Variants in SLC25A26 observed in about 807,000 individuals in gnomAD.
SLC25A26 encodes solute carrier family 25 member 26, also known as mitochondrial S-adenosylmethionine carrier protein.
In SLC25A26, 36 loss-of-function variants were observed where a neutral mutation model predicts 37.8. The ratio of observed to expected loss-of-function variants is 0.95; its 90% CI spans 0.73 to 1.26. The LOEUF (loss-of-function observed/expected upper bound fraction) is 1.26. SLC25A26 is among the 50% of genes most tolerant of loss of function. The pLI is 0.00. For missense variants in SLC25A26, 390 were observed against 331.1 expected, an observed-to-expected ratio of 1.18 and a Z score of -1.38; for synonymous variants, 129 against 122.5, an observed-to-expected ratio of 1.05 and a Z score of -0.35.
intron 3 of SLC25A26, 95 bp downstream of exon 3, chr3:66,243,407 T>TA: frequency 9.5e-6 from 6 of 631,978 alleles, no homozygotes; most frequent in Non-Finnish European, 1.6e-5. Context: ...AAATTATTTT[T>TA]AAATTATGAA....
intron 6 of SLC25A26, among the ~76,000 whole-genome samples, chr3:66,349,896 C>T (rs1357429738): frequency 1.2e-4 from 18 of 152,082 alleles, no homozygotes; most frequent in Non-Finnish European, 2.9e-5. Context: ...TTTTTTCCAG[C>T]CATTCTAGTA....
chr3:66,282,653 C>T (rs192148292), intron 5 of SLC25A26, among the ~76,000 whole-genome samples: 24 of 152,242 alleles, frequency 1.6e-4, no homozygotes, highest in Admixed American at 3.3e-4. Context: ...TTTCATCTTT[C>T]CCATTTCATA....
Position 66,243,225 on chromosome 3 carries a change from T to C in SLC25A26, c.213T>C (p.Tyr71=). ...CAGCTGCTGCATTTTTTATCACCTA[T>C]GAATATGTGAAGTGGTTTTTGCATG... is the stretch of plus-strand genomic sequence containing the variant. ...FPNAAAFFIT[Y]EYVKWFLHAD... The change falls in exon 3 of 10, where the codon TAT becomes TAC. Residue 71 remains tyrosine, a synonymous_variant. Coordinates refer to ENST00000354883, the MANE Select transcript of SLC25A26 (RefSeq NM_001379210.1). 6.2e-7 allele frequency: 1 copy of C among 1,605,146 alleles called. No homozygotes were observed. The highest frequency in any genetic ancestry group is 8.5e-7 in the Non-Finnish European group (1 of 1,174,032).
chr3:66,367,729 G>GAGAC (rs1379068645), intron 7 of SLC25A26, among the ~76,000 whole-genome samples: 28 of 151,098 alleles, frequency 1.9e-4, no homozygotes, highest in African/African-American at 6.9e-4. Flanking sequence ...GAGAGAGAGA[G>GAGAC]AGACAGATAG....
At chr3:66,144,741 G>A (rs1298272675) in intron 1 of SLC25A26, among the ~76,000 whole-genome samples, 1 of 152,208 alleles carries the variant, frequency 6.6e-6, no homozygotes, top group Non-Finnish European at 1.5e-5. Flanking sequence ...CCCACCAGAT[G>A]TTAGACTGAC....
rs1285257747 is a variant in SLC25A26, at chr3:66,370,788, A to T, written c.707+186A>T. Among the ~76,000 whole-genome samples, 4 of 152,216 alleles carry T rather than the reference A, an allele frequency of 2.6e-5. No homozygotes were observed. In the East Asian group the frequency reaches 7.7e-4, roughly 29 times the overall value. ...ACATAGCAAATCAAATTGACGGATTATTCCAGCCAGGCAGTTCTCAGCCTT... is the reference window on the plus strand; with the variant it reads ...ACATAGCAAATCAAATTGACGGATTTTTCCAGCCAGGCAGTTCTCAGCCTT... On this transcript the variant is annotated intron_variant, in intron 9 of 9. Coordinates refer to ENST00000354883, the MANE Select transcript of SLC25A26 (RefSeq NM_001379210.1).
At chr3:66,372,827 C>T (rs928063486) in intron 9 of SLC25A26, among the ~76,000 whole-genome samples, 1 of 152,186 alleles carries the variant, frequency 6.6e-6, no homozygotes, top group Non-Finnish European at 1.5e-5. Context: ...GTGCTCCAAG[C>T]ACACAGCGCT....
chr3:66,149,565 T>C (rs2070170172), intron 1 of SLC25A26, among the ~76,000 whole-genome samples: 1 of 152,224 alleles, frequency 6.6e-6, no homozygotes, highest in Non-Finnish European at 1.5e-5. Flanking sequence ...ATTGTGCTCT[T>C]ACGTGTTTTG....
At chr3:66,276,290 A>G (rs1559645510) in intron 5 of SLC25A26, among the ~76,000 whole-genome samples, 1 of 152,080 alleles carries the variant, frequency 6.6e-6, no homozygotes, top group Non-Finnish European at 1.5e-5. Flanking sequence ...GCAGGACTGG[A>G]ATTGGAGGTC....
intron 1 of SLC25A26, among the ~76,000 whole-genome samples, chr3:66,193,273 T>A (rs1440892934): frequency 6.6e-6 from 1 of 152,152 alleles, no homozygotes; most frequent in Non-Finnish European, 1.5e-5. Flanking sequence ...ATAAATAATA[T>A]ACCAAAAGAA....
At chr3:66,172,829 T>G (rs1452108548) in intron 1 of SLC25A26, among the ~76,000 whole-genome samples, 1 of 152,208 alleles carries the variant, frequency 6.6e-6, no homozygotes, top group Non-Finnish European at 1.5e-5. Flanking sequence ...CCTGGATGCA[T>G]GTCTCTGTGT....
chr3:66,162,925 G>T (rs927940891), intron 1 of SLC25A26, among the ~76,000 whole-genome samples: 3 of 152,332 alleles, frequency 2.0e-5, no homozygotes, highest in African/African-American at 4.8e-5. Context: ...AGAGGAACTT[G>T]CTTCATTAAG....
intron 1 of SLC25A26, among the ~76,000 whole-genome samples, chr3:66,175,147 A>G (rs1372467531): frequency 3.0e-5 from 2 of 67,568 alleles, no homozygotes; most frequent in African/African-American, 1.4e-4. Flanking sequence ...ATATACACAC[A>G]CACACACACA....
At chr3:66,168,815 T>C (rs2070458507) in intron 1 of SLC25A26, among the ~76,000 whole-genome samples, 1 of 152,192 alleles carries the variant, frequency 6.6e-6, no homozygotes, top group Non-Finnish European at 1.5e-5. Context: ...GTTTTCCTGA[T>C]AGGGTATTTG....
intron 2 of SLC25A26, among the ~76,000 whole-genome samples, chr3:66,237,983 C>T (rs182269968): frequency 2.1e-3 from 320 of 152,298 alleles, no homozygotes; most frequent in Middle Eastern, 0.01. Context: ...TGCCCTTCCC[C>T]ATCCCCCAGC....
chr3:66,264,516 C>G (rs2073667887), intron 5 of SLC25A26, among the ~76,000 whole-genome samples: 1 of 152,156 alleles, frequency 6.6e-6, no homozygotes, highest in South Asian at 2.1e-4. Flanking sequence ...TGCCTCCTGT[C>G]AGATCAGCAG....
At chr3:66,238,556 T>A (rs2072410957) in intron 2 of SLC25A26, among the ~76,000 whole-genome samples, 1 of 152,026 alleles carries the variant, frequency 6.6e-6, no homozygotes, top group Admixed American at 6.6e-5. Context: ...CTAATTTTTT[T>A]ATTTTTAGTA....
chr3:66,377,283 G>T (rs1700718540), intron 9 of SLC25A26, among the ~76,000 whole-genome samples: 1 of 152,092 alleles, frequency 6.6e-6, no homozygotes, highest in Non-Finnish European at 1.5e-5. Flanking sequence ...ATCCATGGAG[G>T]TTCAACTCGT....
chr3:66,312,321 A>T (rs1450535071), intron 5 of SLC25A26, among the ~76,000 whole-genome samples: 1 of 152,120 alleles, frequency 6.6e-6, no homozygotes, highest in African/African-American at 2.4e-5. Flanking sequence ...GTAATGGTGG[A>T]TGCCCTTCCC....
Sources: allele counts gnomAD v4.1 joint callset (sites outside exome capture counted in the v4.1 genomes callset), GRCh38; gene constraint gnomAD v4.1.1; transcripts MANE v1.5; gene names NCBI Gene and HGNC (gene_info 2026-07-23, HGNC 2026-07-21).